The following KLC2 variants were observed in gnomAD, a reference collection of about 807,000 sequenced individuals.
The protein encoded by KLC2 is kinesin light chain 2.
Under a neutral mutation model 75.1 loss-of-function variants are expected in KLC2, and 35 were observed. The ratio of observed to expected loss-of-function variants is 0.47; its 90% CI spans 0.36 to 0.62. The LOEUF is 0.62. Among genes scored for constraint, KLC2 ranks in the 20% least tolerant of loss-of-function variants. The pLI, the probability that KLC2 is intolerant of heterozygous loss-of-function variation, is 0.00. For missense variants in KLC2, 611 were observed against 833.2 expected, an observed-to-expected ratio of 0.73 and a Z score of 3.28; for synonymous variants, 314 against 336.7, an observed-to-expected ratio of 0.93 and a Z score of 0.74.
At chr11:66,264,298 G>C (rs753058260) in intron 8 of KLC2, 47 bp from the exon 9 acceptor site, 6 of 1,579,886 alleles carry the variant, frequency 3.8e-6, no homozygotes, top group Admixed American at 1.8e-5. Context: ...AGAGAAAAAG[G>C]CTTGGCTGCA....
intron 11 of KLC2, 107 bp downstream of exon 11, chr11:66,265,342 C>A: frequency 2.0e-6 from 2 of 982,294 alleles, no homozygotes; most frequent in South Asian, 1.5e-5. Flanking sequence ...TCTGGCAAGG[C>A]CCAACTCACA....
At position 66,265,926 on chromosome 11, in the gene KLC2, C is replaced by G. The variant is rs767861682; in HGVS notation, c.1516C>G (p.Arg506Gly). The G allele has an allele frequency of 5.0e-5, 79 of 1,588,224 alleles. 3 individuals are homozygous for G. The South Asian group carries it at 8.5e-4, about 17-fold the overall frequency. Residue 506 changes from arginine (R) to glycine (G), a missense_variant, in exon 13 of 16, where the codon CGC becomes GGC. Transcript: ENST00000394067. ...TGGCAGTGGCAGGCGGGGAGACCGC[C>G]GCAGCAGCCGAGACATGGCTGGGGG... ...KDGSGRRGDR[R>G]SSRDMAGGAG... is the part of the protein sequence containing the mutation.
At position 66,261,523 on chromosome 11, in the gene KLC2, C is replaced by T. The variant is rs936774853; in HGVS notation, c.229-219C>T. ...TTCTCCTGATCCTAGAAGGAAGGAA[C>T]TGGGGACTCCCAAGCCTCCTGGGTT... On this transcript the variant is annotated intron_variant, in intron 2 of 15. Coordinates refer to ENST00000394067, the MANE Select transcript of KLC2 (RefSeq NM_001318734.2). 4 of 534,698 alleles carry T rather than the reference C, an allele frequency of 7.5e-6. No individual in the cohort carries two copies. The Admixed American group carries it at 1.3e-4, about 17-fold the overall frequency. The allele number at this position is 534,698 out of a possible 1,614,324, so 33.1% of individuals were successfully genotyped here.
chr11:66,258,626 A>G lies in KLC2; in HGVS notation c.32A>G (p.Lys11Arg). The change falls in exon 2 of 16, where the codon AAG becomes AGG. Residue 11 changes from lysine (K) to arginine (R), a missense_variant. Physicochemically the swap from Lys to Arg is conservative, Grantham distance 26 (BLOSUM62 2). Transcript: ENST00000394067. MAMMVFPREE[K>R]LSQDEIVLGT... ...ATGATGGTGTTTCCGCGGGAGGAGAAGCTGAGCCAGGATGAGATCGTGCTG... is the reference window on the plus strand; with the variant it reads ...ATGATGGTGTTTCCGCGGGAGGAGAGGCTGAGCCAGGATGAGATCGTGCTG... 6.2e-7 allele frequency: 1 copy of G among 1,613,696 alleles called. No individual in the cohort carries two copies. Among genetic ancestry groups the G allele is most frequent in the Non-Finnish European group, 8.5e-7 (1 of 1,179,696 alleles).
chr11:66,261,029 G>A (rs1383140743), intron 2 of KLC2: 1 of 150,618 alleles, frequency 6.6e-6, no homozygotes, highest in African/African-American at 2.4e-5. Flanking sequence ...ATAGCCCTTC[G>A]GCCCAGGTGA....
chr11:66,265,518 C>T lies in KLC2; in HGVS notation c.1335-137C>T, dbSNP rs567043886. 69 of 785,692 alleles carry T rather than the reference C, an allele frequency of 8.8e-5. No individual in the cohort carries two copies. The South Asian group carries it at 1.2e-3, about 13-fold the overall frequency. The allele number at this position is 785,692 out of a possible 1,614,324, so 48.7% of individuals were successfully genotyped here. ...GACAGAAGAGGCTGGGTGGGCCCAG[C>T]ACAGGGCTTGACATGGGAAGGAATG... On this transcript the variant is annotated intron_variant, in intron 11 of 15. Coordinates refer to ENST00000394067, the MANE Select transcript of KLC2 (RefSeq NM_001318734.2).
Position 66,266,206 on chromosome 11 carries a change from C to A in KLC2, c.1716C>A (p.Pro572=). Residue 572 remains proline (P), a synonymous_variant, in exon 14 of 16, where the codon CCC becomes CCA. Transcript: ENST00000394067. ...KKLQGGTPQE[P]PNPRMKRASS... ...TGCAGGGGGGCACCCCCCAGGAGCC[C>A]CCTAACCCCAGGTGAGCCCCCCACC... The A allele has an allele frequency of 6.2e-7, 1 of 1,606,212 alleles. No individual in the cohort carries two copies. The highest frequency in any genetic ancestry group is 8.5e-7 in the Non-Finnish European group (1 of 1,176,520).
rs1289656685 is a variant in KLC2 at position 66,263,684 on chromosome 11, T to G, written c.777T>G (p.Ala259=). Residue 259 remains alanine, a synonymous_variant, in exon 6 of 16, where the codon GCT becomes GCG. Coordinates refer to ENST00000394067, the MANE Select transcript of KLC2 (RefSeq NM_001318734.2). ...GGGATCAGAACAAGTACAAGGAGGC[T>G]GCCCACCTGCTCAATGATGCTCTGG... ...VYRDQNKYKE[A]AHLLNDALAI... 6.2e-7 allele frequency: 1 copy of G among 1,613,906 alleles called. No homozygotes were observed. Among genetic ancestry groups the G allele is most frequent in the Non-Finnish European group, 8.5e-7 (1 of 1,179,850 alleles).
intron 2 of KLC2, among the ~76,000 whole-genome samples, chr11:66,260,698 G>T (rs1235157820): frequency 2.6e-5 from 4 of 152,078 alleles, no homozygotes; most frequent in Non-Finnish European, 5.9e-5. Context: ...TCAGGTTCAA[G>T]TGATTCTCCT....
At chr11:66,262,229 G>A (rs775515041) in intron 4 of KLC2, 37 bp downstream of exon 4, 1 of 1,562,800 alleles carries the variant, frequency 6.4e-7, no homozygotes, top group Non-Finnish European at 8.8e-7. Flanking sequence ...GGAAGGAAAG[G>A]TTGTGTGAAC....
the KLC2 span, among the ~76,000 whole-genome samples, chr11:66,251,449 G>A: frequency 1.0e-4 from 14 of 135,442 alleles, 4 homozygotes; most frequent in Non-Finnish European, 2.2e-4. Context: ...CCAAGATCGC[G>A]CCACTGCACT....
Position 66,262,242 on chromosome 11 carries a change from T to C in KLC2, c.529+50T>C. 2 of 1,484,264 alleles carry C rather than the reference T, an allele frequency of 1.3e-6. 1 individual carries two copies. The highest frequency in any genetic ancestry group is 2.3e-5 in the South Asian group (2 of 87,724). The allele number at this position is 1,484,264 out of a possible 1,614,324, so 91.9% of individuals were successfully genotyped here. A position where few individuals can be genotyped will look rare whatever the true frequency, so the allele number is the denominator to read the frequency against. On this transcript the variant is annotated intron_variant, in intron 4 of 15. Coordinates refer to ENST00000394067, the MANE Select transcript of KLC2 (RefSeq NM_001318734.2). ...GGGGAAGGAAAGGTTGTGTGAACTC[T>C]TGGTCCTTGGGACCGAGTGGCTGCC... is the stretch of plus-strand genomic sequence containing the variant.
the KLC2 span, among the ~76,000 whole-genome samples, chr11:66,245,688 C>A: frequency 2.0e-5 from 3 of 151,966 alleles, no homozygotes; most frequent in African/African-American, 7.2e-5. Flanking sequence ...TGTACTCCAG[C>A]CTGGCGACAC....
At chr11:66,262,369 G>C in intron 4 of KLC2, 177 bp downstream of exon 4, 2 of 619,174 alleles carry the variant, frequency 3.2e-6, no homozygotes, top group Non-Finnish European at 5.8e-6. Context: ...CAGCTCTGTG[G>C]TGAGCAGACA....
intron 11 of KLC2, 137 bp downstream of exon 11, chr11:66,265,372 G>T: frequency 1.3e-6 from 1 of 776,308 alleles, no homozygotes; most frequent in Non-Finnish European, 2.1e-6. Flanking sequence ...TCCCAAGAAG[G>T]CTCTGTCTCC....
At chr11:66,254,139 G>A (rs186732001), upstream of KLC2, among the ~76,000 whole-genome samples, 8 of 152,064 alleles carry the variant, frequency 5.3e-5, no homozygotes, top group Non-Finnish European at 1.0e-4. Context: ...GGAGAATGGC[G>A]TGAACCTGGG....
chr11:66,258,071 C>T (rs916668705), intron 1 of KLC2, 200 bp downstream of exon 1: 11 of 156,204 alleles, frequency 7.0e-5, no homozygotes, highest in African/African-American at 2.7e-4. Context: ...GTTGCGCTGG[C>T]CTAGGGGAGG....
intron 1 of KLC2, chr11:66,258,335 T>C: frequency 5.7e-6 from 3 of 529,244 alleles, no homozygotes; most frequent in Non-Finnish European, 1.0e-5. Context: ...CTGAGCCGCC[T>C]AAGTCGGCCT....
chr11:66,265,301 C>T, intron 11 of KLC2, 66 bp downstream of exon 11: 1 of 1,339,620 alleles, frequency 7.5e-7, no homozygotes, highest in Non-Finnish European at 1.1e-6. Flanking sequence ...TCCATACTCT[C>T]ACCCCCAACA....
Sources: gnomAD v4.1 joint callset for allele counts (sites outside exome capture counted in the v4.1 genomes callset) on GRCh38, gnomAD v4.1.1 for gene constraint, MANE v1.5 for transcripts, NCBI Gene and HGNC (gene_info 2026-07-23, HGNC 2026-07-21) for gene names.